Variants in DOCK2 observed in about 807,000 individuals in gnomAD.
The protein encoded by DOCK2 is dedicator of cytokinesis 2, also known as dedicator of cytokinesis protein 2.
Under a neutral mutation model 248.9 loss-of-function variants are expected in DOCK2, and 87 were observed. That is an observed-to-expected ratio of 0.35 (90% confidence interval 0.29 to 0.42). The LOEUF is 0.42. Ranked by LOEUF, DOCK2 falls within the 10% of genes least tolerant of loss-of-function variation. The pLI is 1.00. For synonymous variants in DOCK2, 805 were observed against 821.6 expected (o/e 0.98, Z 0.35); for missense variants, 1,747 against 2,300.2 (o/e 0.76, Z 4.92).
intron 32 of DOCK2, among the ~76,000 whole-genome samples, chr5:170,010,959 C>G (rs536468630): frequency 1.3e-5 from 2 of 152,224 alleles, no homozygotes; most frequent in African/African-American, 2.4e-5. Flanking sequence ...GGCATTCCTG[C>G]ACTCCCAATT....
chr5:169,718,239 T>A (rs1177143362), intron 21 of DOCK2, among the ~76,000 whole-genome samples: 1 of 152,126 alleles, frequency 6.6e-6, no homozygotes, highest in African/African-American at 2.4e-5. Context: ...GGCCAAGTAA[T>A]TTGAAGTCTG....
intron 25 of DOCK2, among the ~76,000 whole-genome samples, chr5:169,773,596 G>A (rs916099668): frequency 1.3e-5 from 2 of 152,012 alleles, no homozygotes; most frequent in Non-Finnish European, 2.9e-5. Context: ...TACATAATGA[G>A]GGCATTTATA....
intron 32 of DOCK2, among the ~76,000 whole-genome samples, chr5:170,010,401 G>C (rs10038248): frequency 0.15 from 23,572 of 152,112 alleles, 2,178 homozygotes; most frequent in African/African-American, 0.25. Flanking sequence ...GTAGGGGAAT[G>C]GGGGAACATG....
At chr5:170,026,146 C>T (rs900672913) in intron 33 of DOCK2, among the ~76,000 whole-genome samples, 17 of 152,102 alleles carry the variant, frequency 1.1e-4, no homozygotes, top group African/African-American at 2.9e-4. Flanking sequence ...AGTGAGGGAA[C>T]GATGGCATCA....
chr5:169,651,813 C>T (rs570812658), intron 1 of DOCK2, among the ~76,000 whole-genome samples: 4 of 152,278 alleles, frequency 2.6e-5, no homozygotes, highest in South Asian at 4.1e-4. Context: ...CAGCATCCCC[C>T]GAGGGCCCTC....
intron 27 of DOCK2, among the ~76,000 whole-genome samples, chr5:169,881,692 A>G (rs1173534238): frequency 6.6e-6 from 1 of 152,162 alleles, no homozygotes; most frequent in Non-Finnish European, 1.5e-5. Flanking sequence ...TTGTGAGATG[A>G]GGGATTCTGC....
At chr5:169,843,726 C>A (rs560202717) in intron 27 of DOCK2, among the ~76,000 whole-genome samples, 11 of 152,282 alleles carry the variant, frequency 7.2e-5, no homozygotes, top group African/African-American at 2.6e-4. Context: ...CTCTCACCAA[C>A]CCTAAGCAAC....
intron 25 of DOCK2, among the ~76,000 whole-genome samples, chr5:169,781,851 T>C (rs1765731536): frequency 6.6e-6 from 1 of 152,186 alleles, no homozygotes; most frequent in Admixed American, 6.5e-5. Context: ...TTTCTCTCCA[T>C]GCAAGTGTTT....
chr5:169,799,328 G>T (rs1191641573), intron 25 of DOCK2, among the ~76,000 whole-genome samples: 1 of 152,076 alleles, frequency 6.6e-6, no homozygotes, highest in East Asian at 1.9e-4. Context: ...TTATCTTCTG[G>T]TTGGGCTTAA....
At chr5:169,872,320 G>T (rs560039420) in intron 27 of DOCK2, among the ~76,000 whole-genome samples, 1 of 152,294 alleles carries the variant, frequency 6.6e-6, no homozygotes, top group East Asian at 1.9e-4. Context: ...ACTTTGGAAG[G>T]CATCTCTGGG....
chr5:169,678,224 G>T (rs567452138), intron 6 of DOCK2, among the ~76,000 whole-genome samples: 17 of 152,134 alleles, frequency 1.1e-4, no homozygotes, highest in African/African-American at 3.9e-4. Context: ...AAAAAAAAAG[G>T]CTTCTATAGT....
Position 170,069,265 on chromosome 5 carries a change from C to A in DOCK2, c.4728+45C>A, listed in dbSNP as rs772327221. 5 of 1,596,228 alleles carry A rather than the reference C, an allele frequency of 3.1e-6. No individual in the cohort carries two copies. The South Asian group carries it at 5.6e-5, about 18-fold the overall frequency. On this transcript the variant is annotated intron_variant, in intron 46 of 51. Coordinates refer to ENST00000520908, the MANE Select transcript of DOCK2 (RefSeq NM_004946.3). The stretch of plus-strand genomic sequence containing the variant: ...GGGAGCATGCTGCTCTCCTTCCTCT[C>A]CCCCCACCGTGGTTCACTTGCCCCA...
At chr5:170,047,462 C>G in intron 39 of DOCK2, 48 bp from the exon 40 acceptor site, 1 of 1,554,782 alleles carries the variant, frequency 6.4e-7, no homozygotes, top group African/African-American at 1.4e-5. Context: ...GTTGAATGTG[C>G]CTTTGATACA....
rs139990044 is a variant in DOCK2, at chr5:169,689,392, A to G, written c.843+59A>G. 4.4e-6 allele frequency: 7 copies of G among 1,585,926 alleles called. No individual in the cohort carries two copies. The East Asian group carries it at 1.6e-4, about 36-fold the overall frequency. On this transcript the variant is annotated intron_variant, in intron 9 of 51. Transcript: ENST00000520908. ...CCCAACCACAAAAATGTGACCTTGGAAATGAGGCTGGTCAGGAGCTCAGGG... is the reference window on the plus strand; with the variant it reads ...CCCAACCACAAAAATGTGACCTTGGGAATGAGGCTGGTCAGGAGCTCAGGG...
At chr5:169,682,425 C>T (rs1451147705) in intron 7 of DOCK2, among the ~76,000 whole-genome samples, 1 of 152,166 alleles carries the variant, frequency 6.6e-6, no homozygotes, top group African/African-American at 2.4e-5. Flanking sequence ...GTAGGAAAGC[C>T]AAACAAGGAT....
chr5:169,703,095 G>A (rs531247478), intron 14 of DOCK2, among the ~76,000 whole-genome samples: 1 of 152,268 alleles, frequency 6.6e-6, no homozygotes, highest in East Asian at 1.9e-4. Context: ...GTGTGTAGGA[G>A]GGTTTTGTTT....
chr5:169,739,186 C>G (rs1763187719), intron 22 of DOCK2, among the ~76,000 whole-genome samples: 1 of 152,224 alleles, frequency 6.6e-6, no homozygotes, highest in South Asian at 2.1e-4. Context: ...GTTCAATGCT[C>G]TTGGCATGAC....
At chr5:169,796,060 TG>T (rs1462828013) in intron 25 of DOCK2, among the ~76,000 whole-genome samples, 3 of 152,132 alleles carry the variant, frequency 2.0e-5, no homozygotes, top group African/African-American at 7.2e-5. Flanking sequence ...TGGTTATGAG[TG>T]GAATGAGATT....
intron 44 of DOCK2, among the ~76,000 whole-genome samples, chr5:170,065,983 G>T (rs1336092575): frequency 1.5e-5 from 2 of 136,536 alleles, no homozygotes; most frequent in Middle Eastern, 4.2e-3. Context: ...ACAGAGTCTC[G>T]CTCTGTCGCC....
Sources: gnomAD v4.1 joint callset for allele counts (sites outside exome capture counted in the v4.1 genomes callset) on GRCh38, gnomAD v4.1.1 for gene constraint, MANE v1.5 for transcripts, NCBI Gene and HGNC (gene_info 2026-07-23, HGNC 2026-07-21) for gene names.